The following CFAP418 variants were observed in gnomAD, a reference collection of about 807,000 sequenced individuals.
CFAP418 encodes the protein cilia and flagella associated protein 418.
A neutral mutation model predicts 24.7 loss-of-function variants in CFAP418; 27 were observed. The observed-to-expected ratio is 1.09, with a 90% CI of 0.81 to 1.51. The LOEUF is 1.51. Ranked by LOEUF, CFAP418 falls within the 40% of genes most tolerant of loss-of-function variation. The pLI, the probability that CFAP418 is intolerant of heterozygous loss-of-function variation, is 0.00. For missense variants in CFAP418, 257 were observed against 255.2 expected, an observed-to-expected ratio of 1.01 and a Z score of -0.05; for synonymous variants, 74 against 87.3, an observed-to-expected ratio of 0.85 and a Z score of 0.85.
In CFAP418 at chr8:95,263,690, G is replaced by A. The variant is rs1443069813; in HGVS notation, c.240C>T (p.Pro80=). Residue 80 remains proline (P), a synonymous_variant, in exon 2 of 6, where the codon CCC becomes CCT. Coordinates refer to ENST00000286688, the MANE Select transcript of CFAP418 (RefSeq NM_177965.4). ...ILEEPNLDKK[P]SKLKSKSSGN... ...ATATTTATAACACTTGACTTACAGA[G>A]GGTTTTTTGTCCAAGTTGGGCTCTT... 1.9e-6 allele frequency: 3 copies of A among 1,581,976 alleles called. No homozygotes were observed. Among genetic ancestry groups the A allele is most frequent in the Non-Finnish European group, 2.6e-6 (3 of 1,151,946 alleles).
chr8:95,262,119 C>T (rs796798861), intron 2 of CFAP418, among the ~76,000 whole-genome samples: 63 of 152,186 alleles, frequency 4.1e-4, no homozygotes, highest in African/African-American at 1.5e-3. Context: ...CATGCGAAAC[C>T]CCACGTACAG....
At chr8:95,264,496 C>G (rs1320930500) in intron 1 of CFAP418, among the ~76,000 whole-genome samples, 6 of 152,088 alleles carry the variant, frequency 3.9e-5, no homozygotes, top group African/African-American at 1.2e-4. Flanking sequence ...AGAAAAGGCA[C>G]TGAGAGATTC....
chr8:95,263,614 C>A, intron 2 of CFAP418, 73 bp downstream of exon 2: 1 of 903,260 alleles, frequency 1.1e-6, no homozygotes, highest in South Asian at 1.6e-5. Context: ...CTACTTGTGT[C>A]ATCTTTAAGA....
chr8:95,265,302 TA>T (rs1433541669), intron 1 of CFAP418, among the ~76,000 whole-genome samples: 5 of 152,228 alleles, frequency 3.3e-5, no homozygotes, highest in African/African-American at 1.2e-4. Flanking sequence ...GATACCGACT[TA>T]GTTTAAATTA....
At chr8:95,261,279 T>C (rs1811886217) in intron 2 of CFAP418, among the ~76,000 whole-genome samples, 1 of 152,216 alleles carries the variant, frequency 6.6e-6, no homozygotes, top group Non-Finnish European at 1.5e-5. Flanking sequence ...AAAATATTGT[T>C]TTACTATGTC....
intron 2 of CFAP418, among the ~76,000 whole-genome samples, chr8:95,262,948 T>C (rs1269264815): frequency 6.6e-6 from 1 of 152,322 alleles, no homozygotes; most frequent in Non-Finnish European, 1.5e-5. Context: ...GGATAAACTG[T>C]GGCAGAGTTA....
intron 1 of CFAP418, among the ~76,000 whole-genome samples, chr8:95,265,422 C>T (rs1275528555): frequency 1.3e-5 from 2 of 152,204 alleles, no homozygotes; most frequent in South Asian, 2.1e-4. Context: ...AATCCCTCAA[C>T]TATAGTGAAA....
At chr8:95,268,870 A>G (rs1812077282) in intron 1 of CFAP418, 165 bp downstream of exon 1, 11 of 721,604 alleles carry the variant, frequency 1.5e-5, no homozygotes, top group Middle Eastern at 4.2e-4. Context: ...AAGAGGGTCG[A>G]CGAATGCGCT....
At position 95,247,650 on chromosome 8, in the gene CFAP418, ATCTGTCTGAAGG is replaced by A. The variant is rs776050295; in HGVS notation, c.579_590del (p.Leu194_Asp197del). 6 of 1,614,044 alleles carry A rather than the reference ATCTGTCTGAAGG, an allele frequency of 3.7e-6. No homozygotes were observed. In the African/African-American group the frequency reaches 8.0e-5, roughly 22 times the overall value. ...TACCACAAACCCAGCGAAGCTGATG[ATCTGTCTGAAGG>A]TCAGTCACTTCTTCAATAGTTCTCC... On this transcript the variant is annotated inframe_deletion, in exon 6 of 6. Coordinates refer to ENST00000286688, the MANE Select transcript of CFAP418 (RefSeq NM_177965.4).
At chr8:95,247,846 AT>A (rs1811648188) in intron 5 of CFAP418, 76 bp from the exon 6 acceptor site, 1 of 1,331,392 alleles carries the variant, frequency 7.5e-7, no homozygotes, top group Non-Finnish European at 1.0e-6. Context: ...AAAAAAGGTC[AT>A]TGCTTTCTTT....
intron 4 of CFAP418, among the ~76,000 whole-genome samples, chr8:95,254,150 C>T (rs1811751461): frequency 6.6e-6 from 1 of 152,182 alleles, no homozygotes; most frequent in Non-Finnish European, 1.5e-5. Context: ...ATGGAATAAT[C>T]CAGTCTTGCA....
chr8:95,267,801 A>G (rs1812021942), intron 1 of CFAP418, among the ~76,000 whole-genome samples: 3 of 152,068 alleles, frequency 2.0e-5, no homozygotes. Flanking sequence ...TTTCCAAAAT[A>G]TTCTAGGCAA....
At chr8:95,262,078 C>A (rs1811902061) in intron 2 of CFAP418, among the ~76,000 whole-genome samples, 1 of 152,090 alleles carries the variant, frequency 6.6e-6, no homozygotes, top group Non-Finnish European at 1.5e-5. Flanking sequence ...TTTTTCCAAC[C>A]AAACAAGGAT....
intron 2 of CFAP418, 33 bp downstream of exon 2, chr8:95,263,654 A>G (rs1811928191): frequency 3.0e-6 from 4 of 1,312,036 alleles, no homozygotes; most frequent in Non-Finnish European, 4.4e-6. Flanking sequence ...AAATAATGAC[A>G]GAATTACTAC....
chr8:95,269,115 A>G lies in CFAP418; in HGVS notation c.75T>C (p.Gly25=), dbSNP rs1193356965. 6.2e-7 allele frequency: 1 copy of G among 1,613,912 alleles called. No individual in the cohort carries two copies. Among genetic ancestry groups the G allele is most frequent in the African/African-American group, 1.3e-5 (1 of 74,860 alleles). Residue 25 remains glycine (G), a synonymous_variant, in exon 1 of 6, where the codon GGT becomes GGC. Coordinates refer to ENST00000286688, the MANE Select transcript of CFAP418 (RefSeq NM_177965.4). ...KFCTPDLLRR[G]MVEQPKGCGG... is the part of the protein sequence containing the mutation. ...CGCAGCCTTTGGGCTGCTCGACCAT[A>G]CCCCGTCTTAGAAGGTCAGGTGTGC... is the stretch of plus-strand genomic sequence containing the variant.
At chr8:95,252,324 A>G in intron 4 of CFAP418, 41 bp from the exon 5 acceptor site, 1 of 1,282,820 alleles carries the variant, frequency 7.8e-7, no homozygotes, top group Middle Eastern at 1.9e-4. Flanking sequence ...GATTATTGGT[A>G]TCTTTAAATA....
intron 5 of CFAP418, among the ~76,000 whole-genome samples, chr8:95,248,152 T>C (rs772565380): frequency 4.6e-5 from 7 of 152,178 alleles, no homozygotes; most frequent in African/African-American, 9.7e-5. Context: ...TATTTTCTTA[T>C]CTTCCCCGTA....
chr8:95,261,570 T>G (rs1398596846), intron 2 of CFAP418, among the ~76,000 whole-genome samples: 1 of 152,160 alleles, frequency 6.6e-6, no homozygotes, highest in Non-Finnish European at 1.5e-5. Flanking sequence ...AATGACAACG[T>G]TGGCATAGAC....
chr8:95,267,005 T>TC (rs1420927339), intron 1 of CFAP418, among the ~76,000 whole-genome samples: 1 of 152,106 alleles, frequency 6.6e-6, no homozygotes, highest in Non-Finnish European at 1.5e-5. Context: ...ACTAGTTCTA[T>TC]CCCCTAGAAG....
Sources: gnomAD v4.1 joint callset for allele counts (sites outside exome capture counted in the v4.1 genomes callset) on GRCh38, gnomAD v4.1.1 for gene constraint, MANE v1.5 for transcripts, NCBI Gene and HGNC (gene_info 2026-07-23, HGNC 2026-07-21) for gene names.